DMD: variants seen among roughly 807,000 people sequenced by gnomAD.
DMD encodes the protein mutant dystrophin.
A neutral mutation model predicts 330.1 loss-of-function variants in DMD; 63 were observed. The ratio of observed to expected loss-of-function variants is 0.19; its 90% CI spans 0.16 to 0.24. The LOEUF (loss-of-function observed/expected upper bound fraction) is 0.24. Among genes scored for constraint, DMD ranks in the 10% least tolerant of loss-of-function variants. DMD has a pLI of 1.00. For synonymous variants in DMD, 1,223 were observed against 959.8 expected (o/e 1.27, Z -5.07); for missense variants, 3,344 against 2,684.1 (o/e 1.25, Z -5.43).
intron 1 of DMD, among the ~76,000 whole-genome samples, chrX:33,108,179 T>C (rs980317409): frequency 1.9e-4 from 1 of 5,344 alleles, no homozygotes; most frequent in Admixed American, 2.0e-3. Flanking sequence ...TTTTATTAGG[T>C]TTTTTTTTCA....
At chrX:32,940,572 C>T (rs1489521142) in intron 2 of DMD, among the ~76,000 whole-genome samples, 1 of 111,109 alleles carries the variant, frequency 9.0e-6, no homozygotes, top group Non-Finnish European at 1.9e-5. Context: ...GAAAGGACTC[C>T]CTGTTCAATA....
At chrX:32,613,014 T>C (rs772059957) in intron 12 of DMD, among the ~76,000 whole-genome samples, 10 of 111,410 alleles carry the variant, frequency 9.0e-5, no homozygotes, top group Non-Finnish European at 1.7e-4. Context: ...GAGAATTAAG[T>C]TTGACAAAAG....
chrX:31,966,833 G>A (rs1014655627), intron 45 of DMD, among the ~76,000 whole-genome samples: 1 of 110,488 alleles, frequency 9.1e-6, no homozygotes, highest in East Asian at 2.8e-4. Context: ...AGTTATCAGA[G>A]GGAATGTTAA....
intron 1 of DMD, among the ~76,000 whole-genome samples, chrX:33,195,731 T>TG (rs1253570158): frequency 1.5e-5 from 1 of 65,563 alleles, no homozygotes; most frequent in Non-Finnish European, 2.7e-5. Flanking sequence ...CCTGTTCTAT[T>TG]TTGTGTGTGT....
intron 43 of DMD, among the ~76,000 whole-genome samples, chrX:32,226,035 T>C (rs2097146603): frequency 1.8e-5 from 2 of 112,031 alleles, no homozygotes; most frequent in Admixed American, 9.5e-5. Context: ...TGTCTCTATA[T>C]TTTATCAATT....
chrX:32,299,372 A>C (rs1166371536), intron 42 of DMD, among the ~76,000 whole-genome samples: 1 of 110,986 alleles, frequency 9.0e-6, no homozygotes, highest in Non-Finnish European at 1.9e-5. Flanking sequence ...CAGGAAAAAA[A>C]AGAAAAAACT....
chrX:32,435,261 TTA>T (rs756767187), intron 29 of DMD, among the ~76,000 whole-genome samples: 1 of 86,138 alleles, frequency 1.2e-5, no homozygotes, highest in East Asian at 4.1e-4. Context: ...TTTACATATT[TTA>T]ATATATACTT....
chrX:31,364,836 G>A (rs1461075443), intron 60 of DMD, among the ~76,000 whole-genome samples: 2 of 111,201 alleles, frequency 1.8e-5, no homozygotes, highest in East Asian at 5.6e-4. Flanking sequence ...GGTGGCTCAC[G>A]CATGTAATCC....
intron 36 of DMD, 102 bp from the exon 37 acceptor site, chrX:32,363,060 G>A: frequency 1.3e-6 from 1 of 781,420 alleles, no homozygotes; most frequent in Admixed American, 2.7e-5. Context: ...TGAGCGAGAA[G>A]AGTGAGAAAG....
intron 76 of DMD, among the ~76,000 whole-genome samples, chrX:31,145,916 C>T (rs2036637124): frequency 8.9e-6 from 1 of 112,171 alleles, no homozygotes; most frequent in African/African-American, 3.2e-5. Flanking sequence ...CCACCTCACC[C>T]TCCCAAAGTG....
intron 44 of DMD, among the ~76,000 whole-genome samples, chrX:31,997,817 T>C (rs953876247): frequency 1.8e-5 from 2 of 111,899 alleles, no homozygotes; most frequent in Non-Finnish European, 3.8e-5. Flanking sequence ...TTCCTGCTTT[T>C]AATAATGAAA....
At chrX:32,544,570 T>C (rs1326183006) in intron 17 of DMD, among the ~76,000 whole-genome samples, 1 of 111,693 alleles carries the variant, frequency 9.0e-6, no homozygotes, top group Non-Finnish European at 1.9e-5. Context: ...ACCTAACTTA[T>C]CTAAAATGCA....
intron 1 of DMD, among the ~76,000 whole-genome samples, chrX:33,250,094 T>C (rs1271531634): frequency 1.0e-5 from 1 of 96,986 alleles, no homozygotes; most frequent in East Asian, 3.0e-4. Flanking sequence ...ATTATATATA[T>C]ATATATATAT....
chrX:32,036,240 G>A (rs2095945203), intron 44 of DMD, among the ~76,000 whole-genome samples: 1 of 111,195 alleles, frequency 9.0e-6, no homozygotes, highest in South Asian at 3.8e-4. Context: ...GATTGGAGAG[G>A]AGCAAGACTG....
intron 43 of DMD, among the ~76,000 whole-genome samples, chrX:32,219,394 A>G (rs1187225168): frequency 8.9e-6 from 1 of 112,258 alleles, no homozygotes; most frequent in Non-Finnish European, 1.9e-5. Flanking sequence ...AGAATCTAAA[A>G]ATCTATGCAA....
chrX:32,517,652 T>C (rs1049343359), intron 18 of DMD: 1 of 283,999 alleles, frequency 3.5e-6, no homozygotes, highest in African/African-American at 2.7e-5. Context: ...TTTACTCTAT[T>C]CTACTCTACA....
intron 44 of DMD, among the ~76,000 whole-genome samples, chrX:32,192,418 A>G (rs773388382): frequency 8.9e-6 from 1 of 111,987 alleles, no homozygotes; most frequent in South Asian, 3.8e-4. Context: ...CAAAATAGCC[A>G]ATGAACAGAG....
chrX:31,455,047 C>A lies in DMD; in HGVS notation c.8938-10420G>T, dbSNP rs192210611. Among the ~76,000 whole-genome samples, 700 of 106,262 alleles carry A rather than the reference C, an allele frequency of 6.6e-3. 3 individuals are homozygous for A. Among genetic ancestry groups the A allele is most frequent in the African/African-American group, 0.019 (540 of 28,934 alleles). 92.3% of individuals were successfully genotyped at this position (106,262 alleles called of 115,157 possible). Reference sequence around the variant, plus strand: ...AAGTGATCCTCCCACTTCGGCCTCCCAAAGTGTTGGGATTACAAGCATGAG... The same window carrying A: ...AAGTGATCCTCCCACTTCGGCCTCCAAAAGTGTTGGGATTACAAGCATGAG... On this transcript the variant is annotated intron_variant, in intron 59 of 78. Coordinates refer to ENST00000357033, the MANE Select transcript of DMD (RefSeq NM_004006.3).
intron 43 of DMD, among the ~76,000 whole-genome samples, chrX:32,227,029 A>G (rs1355745881): frequency 2.8e-5 from 3 of 107,610 alleles, no homozygotes; most frequent in Non-Finnish European, 3.8e-5. Context: ...ACCTAATTTA[A>G]ATATGAGGAT....
Sources: gnomAD v4.1 joint callset for allele counts (sites outside exome capture counted in the v4.1 genomes callset) on GRCh38, gnomAD v4.1.1 for gene constraint, MANE v1.5 for transcripts, NCBI Gene and HGNC (gene_info 2026-07-23, HGNC 2026-07-21) for gene names.